Variants in SLC35F4 observed in about 807,000 individuals in gnomAD.
The protein encoded by SLC35F4 is chromosome 14 open reading frame 36.
In SLC35F4, 24 loss-of-function variants were observed where a neutral mutation model predicts 44.2. That is an observed-to-expected ratio of 0.54 (90% CI 0.39 to 0.76). SLC35F4 has a LOEUF of 0.76. Ranked by LOEUF, SLC35F4 falls within the 30% of genes least tolerant of loss-of-function variation. The pLI, the probability that SLC35F4 is intolerant of heterozygous loss-of-function variation, is 0.00. For synonymous variants in SLC35F4, 238 were observed against 223.6 expected (o/e 1.06, Z -0.57); for missense variants, 562 against 586.1 (o/e 0.96, Z 0.42).
At chr14:57,866,395 C>T (rs1323523744), upstream of SLC35F4, among the ~76,000 whole-genome samples, 1 of 152,176 alleles carries the variant, frequency 6.6e-6, no homozygotes, top group African/African-American at 2.4e-5. Context: ...ACTCGGTCCA[C>T]GCTTGGCGTC....
At chr14:57,864,296 G>T (rs1321072017) in intron 1 of SLC35F4, among the ~76,000 whole-genome samples, 1 of 152,180 alleles carries the variant, frequency 6.6e-6, no homozygotes, top group East Asian at 1.9e-4. Context: ...AGAAGTTTTT[G>T]AGTGTATAGT....
At chr14:57,564,483 A>G in intron 7 of SLC35F4, 107 bp from the exon 8 acceptor site, 1 of 1,431,666 alleles carries the variant, frequency 7.0e-7, no homozygotes, top group South Asian at 1.4e-5. Flanking sequence ...AGTCTTCTTT[A>G]TTCTTCCAAG....
At chr14:57,773,691 A>G (rs1211010829) in intron 1 of SLC35F4, among the ~76,000 whole-genome samples, 2 of 152,158 alleles carry the variant, frequency 1.3e-5, no homozygotes, top group African/African-American at 2.4e-5. Flanking sequence ...ATTGTTTAAC[A>G]TGACCTGAAA....
rs796861305 is a variant in SLC35F4 at position 57,637,214 on chromosome 14, C to T, written c.104-43090G>A. ...AATCCTGGGACTCTGAAACAAGTCA[C>T]CAAACCCATCAACCTGTAGAAAAAA... On this transcript the variant is annotated intron_variant, in intron 1 of 7. Transcript: ENST00000556826. Among the ~76,000 whole-genome samples, 18 of 152,210 alleles carry T rather than the reference C, an allele frequency of 1.2e-4. 1 individual carries two copies. Among genetic ancestry groups the T allele is most frequent in the Middle Eastern group, 3.4e-3 (1 of 294 alleles).
chr14:57,572,332 C>T (rs1011417440), intron 4 of SLC35F4, among the ~76,000 whole-genome samples: 1 of 152,002 alleles, frequency 6.6e-6, no homozygotes, highest in African/African-American at 2.4e-5. Context: ...AACATTTGTA[C>T]TGGTGAAATA....
intron 1 of SLC35F4, among the ~76,000 whole-genome samples, chr14:57,619,297 C>A (rs2072041357): frequency 6.6e-6 from 1 of 152,170 alleles, no homozygotes; most frequent in Non-Finnish European, 1.5e-5. Context: ...AGTGCTCTGG[C>A]TGGCATCTGG....
chr14:57,866,833 TCAGAGCGAACACCCTC>T (rs1888174413), upstream of SLC35F4, among the ~76,000 whole-genome samples: 1 of 151,998 alleles, frequency 6.6e-6, no homozygotes, highest in South Asian at 2.1e-4. Context: ...AGCTGTGTGT[TCAGAGCGAACACCCTC>T]CCCTCAGGTG....
upstream of SLC35F4, among the ~76,000 whole-genome samples, chr14:57,868,759 C>T (rs952617968): frequency 3.9e-5 from 6 of 152,070 alleles, no homozygotes; most frequent in East Asian, 1.9e-4. Flanking sequence ...CCACCGTGCC[C>T]GGCGGAAGGA....
chr14:57,693,820 T>G (rs917221840), intron 1 of SLC35F4, among the ~76,000 whole-genome samples: 1 of 152,102 alleles, frequency 6.6e-6, no homozygotes, highest in African/African-American at 2.4e-5. Context: ...TTTTTTTGCT[T>G]AATCTGTGTA....
chr14:57,945,871 T>C (rs906509036), intron 1 of SLC35F4, among the ~76,000 whole-genome samples: 3 of 152,160 alleles, frequency 2.0e-5, no homozygotes, highest in African/African-American at 7.2e-5. Flanking sequence ...ACCTGATGAT[T>C]AGTGATGTTG....
intron 1 of SLC35F4, among the ~76,000 whole-genome samples, chr14:57,912,814 A>G (rs1389183697): frequency 1.3e-5 from 2 of 152,064 alleles, no homozygotes; most frequent in Admixed American, 6.5e-5. Context: ...TTTCAAATCT[A>G]TTCTTACTAA....
At chr14:57,836,254 C>A (rs1452838905) in intron 1 of SLC35F4, among the ~76,000 whole-genome samples, 1 of 152,042 alleles carries the variant, frequency 6.6e-6, no homozygotes, top group Non-Finnish European at 1.5e-5. Context: ...CCATATTAAT[C>A]AACTTATTTA....
chr14:57,658,135 A>C (rs1210764695), intron 1 of SLC35F4, among the ~76,000 whole-genome samples: 3 of 152,206 alleles, frequency 2.0e-5, no homozygotes, highest in African/African-American at 4.8e-5. Context: ...AATAGAGAGC[A>C]TAGTTATGAT....
intron 1 of SLC35F4, among the ~76,000 whole-genome samples, chr14:57,891,626 C>A (rs1013257021): frequency 6.6e-6 from 1 of 152,064 alleles, no homozygotes; most frequent in African/African-American, 2.4e-5. Context: ...TCCTGTAATC[C>A]CAGCACTTTG....
intron 1 of SLC35F4, among the ~76,000 whole-genome samples, chr14:57,924,192 G>T (rs1889499762): frequency 6.6e-6 from 1 of 152,166 alleles, no homozygotes; most frequent in Admixed American, 6.5e-5. Flanking sequence ...CCAATCTCAG[G>T]TATGTCTTCA....
rs552022696 is a variant in SLC35F4 at position 57,921,761 on chromosome 14, T to TA, written n.282+60151dup. Among the ~76,000 whole-genome samples, 49 of 152,328 alleles carry TA rather than the reference T, an allele frequency of 3.2e-4. No individual in the cohort carries two copies. In the East Asian group the frequency reaches 8.1e-3, roughly 25 times the overall value. ...TATAAAAATTCCAGTCACACTGGAT[T>TA]ACGGGCCCACTACTATTTTAGTATG... On this transcript the variant is annotated intron_variant and non_coding_transcript_variant, in intron 1 of 1. Coordinates refer to the SLC35F4 transcript ENST00000556568.
chr14:57,676,093 T>C (rs1273118718), intron 1 of SLC35F4, among the ~76,000 whole-genome samples: 1 of 152,096 alleles, frequency 6.6e-6, no homozygotes, highest in Non-Finnish European at 1.5e-5. Context: ...ATGCAGAATC[T>C]ACAAGGAACT....
intron 1 of SLC35F4, among the ~76,000 whole-genome samples, chr14:57,871,093 A>G (rs1888288757): frequency 1.3e-5 from 2 of 152,320 alleles, no homozygotes; most frequent in South Asian, 4.1e-4. Context: ...CCTCAGAGGG[A>G]TCATAGTGTG....
intron 1 of SLC35F4, among the ~76,000 whole-genome samples, chr14:57,713,293 CT>C (rs1415933727): frequency 6.6e-6 from 1 of 152,112 alleles, no homozygotes; most frequent in East Asian, 1.9e-4. Flanking sequence ...AGATCTGTTT[CT>C]TTCTTTCCCA....
Sources: gnomAD v4.1 joint callset for allele counts (sites outside exome capture counted in the v4.1 genomes callset) on GRCh38, gnomAD v4.1.1 for gene constraint, MANE v1.5 for transcripts, NCBI Gene and HGNC (gene_info 2026-07-23, HGNC 2026-07-21) for gene names.